EEPD1: variants seen among roughly 807,000 people sequenced by gnomAD.
EEPD1 encodes the protein endonuclease/exonuclease/phosphatase family domain containing 1.
In EEPD1, 17 loss-of-function variants were observed where a neutral mutation model predicts 46.3. That is an observed-to-expected ratio of 0.37 (90% CI 0.25 to 0.55). EEPD1 has a LOEUF of 0.55. EEPD1 is among the 20% of genes least tolerant of loss of function. The pLI, the probability that EEPD1 is intolerant of heterozygous loss-of-function variation, is 0.83. For missense variants in EEPD1, 673 were observed against 745.6 expected (o/e 0.90, Z 1.13); for synonymous variants, 313 against 315.6 (o/e 0.99, Z 0.09).
Position 36,154,195 on chromosome 7 carries a change from T to C in EEPD1, c.-130T>C. On this transcript the variant is annotated 5_prime_UTR_variant, in exon 2 of 8. Transcript: ENST00000242108. The surrounding 1 kb of genome is among the most constrained non-coding windows in gnomAD (Gnocchi z 4.2). ...TGGAAGATTCGGTGTTTGTCTATAG[T>C]AACCTCTTCAGTCCCTGAATCCTGC... 1 of 1,173,096 alleles carries C rather than the reference T, an allele frequency of 8.5e-7. No homozygotes were observed. The highest frequency in any genetic ancestry group is 1.2e-6 in the Non-Finnish European group (1 of 859,298). 72.7% of individuals were successfully genotyped at this position (1,173,096 alleles called of 1,614,324 possible).
intron 2 of EEPD1, among the ~76,000 whole-genome samples, chr7:36,180,315 G>T (rs550697832): frequency 3.3e-5 from 5 of 152,266 alleles, no homozygotes; most frequent in African/African-American, 1.2e-4. Flanking sequence ...TGTCATTTCT[G>T]TGTGGCTTAC....
At chr7:36,170,515 G>A (rs1785059495) in intron 2 of EEPD1, among the ~76,000 whole-genome samples, 3 of 150,246 alleles carry the variant, frequency 2.0e-5, no homozygotes, top group Admixed American at 2.0e-4. Context: ...ATGGAACCCT[G>A]TATCAGTCAT....
intron 3 of EEPD1, among the ~76,000 whole-genome samples, chr7:36,262,831 G>A (rs1786950829): frequency 6.6e-6 from 1 of 152,126 alleles, no homozygotes; most frequent in Non-Finnish European, 1.5e-5. Context: ...CCAGCTTCAG[G>A]TGTTTATCTG....
intron 3 of EEPD1, among the ~76,000 whole-genome samples, chr7:36,262,692 C>A (rs76167878): frequency 6.6e-6 from 1 of 152,100 alleles, no homozygotes; most frequent in African/African-American, 2.4e-5. Context: ...TGAGGCATTT[C>A]GCCTGTACCA....
At chr7:36,270,945 C>T (rs1787092595) in intron 3 of EEPD1, among the ~76,000 whole-genome samples, 1 of 152,104 alleles carries the variant, frequency 6.6e-6, no homozygotes, top group Middle Eastern at 3.4e-3. Context: ...CCTATTTCTC[C>T]ACATCCTCTC....
intron 6 of EEPD1, among the ~76,000 whole-genome samples, chr7:36,292,857 C>T (rs1206969510): frequency 1.3e-5 from 2 of 152,164 alleles, no homozygotes; most frequent in Admixed American, 6.5e-5. Flanking sequence ...GTTTCATTTT[C>T]AGCCCCTCTG....
chr7:36,185,010 C>T lies in EEPD1; in HGVS notation c.878+29808C>T, dbSNP rs189350884. ...CCTTCCAAAGTGCTGGGATTCCAGG[C>T]GTGAGACACTGCTCCTAGGCTAAAA... On this transcript the variant is annotated intron_variant, in intron 2 of 7. Coordinates refer to ENST00000242108, the MANE Select transcript of EEPD1 (RefSeq NM_030636.3). Among the ~76,000 whole-genome samples the T allele has an allele frequency of 1.3e-3, 196 of 152,262 alleles. 1 individual carries two copies. The highest frequency in any genetic ancestry group is 6.4e-3 in the South Asian group (31 of 4,814).
intron 2 of EEPD1, among the ~76,000 whole-genome samples, chr7:36,209,118 A>G (rs73338940): frequency 0.098 from 14,879 of 152,176 alleles, 971 homozygotes; most frequent in East Asian, 0.32. Flanking sequence ...GTGGGATTAC[A>G]TTAAGCAATG....
intron 3 of EEPD1, among the ~76,000 whole-genome samples, chr7:36,280,168 CA>C (rs1042723595): frequency 6.6e-6 from 1 of 152,142 alleles, no homozygotes; most frequent in African/African-American, 2.4e-5. Flanking sequence ...AGGAGACCTC[CA>C]GGTGGAGATG....
At chr7:36,165,105 T>C (rs191959507) in intron 2 of EEPD1, among the ~76,000 whole-genome samples, 16 of 152,344 alleles carry the variant, frequency 1.1e-4, no homozygotes, top group African/African-American at 3.4e-4. Flanking sequence ...TACAGTAGTG[T>C]ACAGTCATGT....
chr7:36,253,518 G>A (rs1031631553), intron 3 of EEPD1, among the ~76,000 whole-genome samples: 1 of 151,966 alleles, frequency 6.6e-6, no homozygotes, highest in South Asian at 2.1e-4. Context: ...TCTTCTATCT[G>A]GTTGTTCTGT....
intron 2 of EEPD1, among the ~76,000 whole-genome samples, chr7:36,156,073 G>A (rs967666913): frequency 4.6e-5 from 7 of 152,204 alleles, no homozygotes; most frequent in African/African-American, 1.7e-4. Context: ...GGTCATAAGA[G>A]CTGTGATCCT....
rs1186555876 is a variant in EEPD1 at position 36,154,324 on chromosome 7, C to T, written c.-1C>T. ...TCCCGGGAGCCTGATCCTGGCGGAC[C>T]ATGGGGAGCACCCTGGGCTGCCACC... On this transcript the variant is annotated 5_prime_UTR_variant, in exon 2 of 8. Transcript: ENST00000242108. The surrounding 1 kb of genome is among the most constrained non-coding windows in gnomAD (Gnocchi z 4.2). The T allele has an allele frequency of 6.2e-7, 1 of 1,606,652 alleles. No homozygotes were observed. Among genetic ancestry groups the T allele is most frequent in the Non-Finnish European group, 8.5e-7 (1 of 1,178,862 alleles).
chr7:36,178,632 A>G (rs1291718348), intron 2 of EEPD1, among the ~76,000 whole-genome samples: 1 of 152,186 alleles, frequency 6.6e-6, no homozygotes, highest in Non-Finnish European at 1.5e-5. Context: ...CCAGGAGTGC[A>G]TGATAGGCCC....
chr7:36,237,611 C>G (rs1056249839), intron 2 of EEPD1, among the ~76,000 whole-genome samples: 13 of 152,124 alleles, frequency 8.5e-5, no homozygotes, highest in African/African-American at 3.1e-4. Flanking sequence ...TGGGGCAAGT[C>G]TATAAAGTGA....
chr7:36,249,388 C>T (rs964142215), intron 3 of EEPD1, among the ~76,000 whole-genome samples: 5 of 152,256 alleles, frequency 3.3e-5, no homozygotes, highest in African/African-American at 1.2e-4. Flanking sequence ...ATGTCCCCAT[C>T]CTTTGACCTG....
chr7:36,179,913 G>A (rs941262920), intron 2 of EEPD1, among the ~76,000 whole-genome samples: 1 of 152,104 alleles, frequency 6.6e-6, no homozygotes, highest in African/African-American at 2.4e-5. Context: ...CACCCGAGGA[G>A]CCTTAAGTGT....
intron 2 of EEPD1, among the ~76,000 whole-genome samples, chr7:36,231,611 G>A (rs907257748): frequency 3.9e-5 from 6 of 152,086 alleles, no homozygotes; most frequent in African/African-American, 1.2e-4. Context: ...TAACCCCTGC[G>A]GGCCCTTGTG....
chr7:36,219,619 AGAAG>A (rs1786098633), intron 2 of EEPD1, among the ~76,000 whole-genome samples: 1 of 147,458 alleles, frequency 6.8e-6, no homozygotes, highest in Non-Finnish European at 1.5e-5. Flanking sequence ...AAGGAAGGAA[AGAAG>A]GAAAGAAGGA....
Sources: gnomAD v4.1 joint callset for allele counts (sites outside exome capture counted in the v4.1 genomes callset) on GRCh38, gnomAD v4.1.1 for gene constraint, Gnocchi (gnomAD v3.1) non-coding constraint, MANE v1.5 for transcripts, NCBI Gene and HGNC (gene_info 2026-07-23, HGNC 2026-07-21) for gene names.